Variants in TECRL observed in about 807,000 individuals in gnomAD.
TECRL encodes the protein trans-2,3-enoyl-CoA reductase-like.
In TECRL, 63 loss-of-function variants were observed where a neutral mutation model predicts 52.8. That is an observed-to-expected ratio of 1.19 (90% CI 0.97 to 1.47). TECRL has a LOEUF of 1.47. Ranked by LOEUF, TECRL falls within the 40% of genes most tolerant of loss-of-function variation. The pLI is 0.00. For synonymous variants in TECRL, 164 were observed against 141.9 expected (o/e 1.16, Z -1.10); for missense variants, 482 against 429.6 (o/e 1.12, Z -1.08).
At chr4:64,383,980 G>A (rs749828332) in intron 1 of TECRL, among the ~76,000 whole-genome samples, 5 of 152,014 alleles carry the variant, frequency 3.3e-5, no homozygotes, top group Non-Finnish European at 5.9e-5. Flanking sequence ...GTCTCTGTAT[G>A]ATTTATGCTG....
At chr4:64,314,862 C>G in intron 4 of TECRL, 99 bp from the exon 5 acceptor site, 2 of 828,792 alleles carry the variant, frequency 2.4e-6, no homozygotes, top group Non-Finnish European at 4.0e-6. Flanking sequence ...ATTGGTGAAA[C>G]AGGTAGATTT....
intron 1 of TECRL, among the ~76,000 whole-genome samples, chr4:64,385,424 G>T (rs921306845): frequency 1.3e-5 from 2 of 152,172 alleles, no homozygotes; most frequent in Admixed American, 6.5e-5. Context: ...TCTCAGGCTT[G>T]TGGGAGTGTG....
chr4:64,317,051 G>T (rs2110017272), intron 4 of TECRL, among the ~76,000 whole-genome samples: 1 of 152,248 alleles, frequency 6.6e-6, no homozygotes, highest in South Asian at 2.1e-4. Flanking sequence ...GGCCGAGGCG[G>T]GCGGATGACA....
At chr4:64,396,190 A>G (rs1723937921) in intron 1 of TECRL, among the ~76,000 whole-genome samples, 1 of 152,142 alleles carries the variant, frequency 6.6e-6, no homozygotes, top group African/African-American at 2.4e-5. Flanking sequence ...TGGAAATATG[A>G]ATGGAATTTC....
chr4:64,342,700 C>T (rs1719671981), intron 2 of TECRL, among the ~76,000 whole-genome samples: 2 of 151,772 alleles, frequency 1.3e-5, no homozygotes, highest in African/African-American at 4.8e-5. Context: ...TAAATGGAGG[C>T]CACAAAAGTA....
At chr4:64,378,858 TTATC>T (rs1466329776) in intron 1 of TECRL, among the ~76,000 whole-genome samples, 5 of 151,818 alleles carry the variant, frequency 3.3e-5, no homozygotes, top group South Asian at 2.1e-4. Context: ...TGAATTTTAT[TTATC>T]TAAGAAATTG....
chr4:64,348,374 A>G (rs1309984032), intron 2 of TECRL, among the ~76,000 whole-genome samples: 1 of 152,116 alleles, frequency 6.6e-6, no homozygotes, highest in Admixed American at 6.5e-5. Context: ...CCAGGATCCT[A>G]TCACCTCCCG....
intron 1 of TECRL, among the ~76,000 whole-genome samples, chr4:64,382,030 G>C (rs1220155497): frequency 6.6e-6 from 1 of 151,548 alleles, no homozygotes; most frequent in Admixed American, 6.6e-5. Context: ...TTATTTACAA[G>C]TTTGATGGAA....
intron 1 of TECRL, among the ~76,000 whole-genome samples, chr4:64,406,158 G>GCA (rs758280308): frequency 4.7e-4 from 20 of 42,858 alleles, no homozygotes; most frequent in African/African-American, 8.0e-4. Flanking sequence ...GCGCGCGCGC[G>GCA]CGCGCGCGTG....
chr4:64,355,109 G>T (rs1228565280), intron 2 of TECRL, among the ~76,000 whole-genome samples: 1 of 151,970 alleles, frequency 6.6e-6, no homozygotes, highest in African/African-American at 2.4e-5. Flanking sequence ...CTTAGACTGG[G>T]GAAATCTTTA....
At chr4:64,339,240 A>C (rs1410961710) in intron 2 of TECRL, among the ~76,000 whole-genome samples, 2 of 134,262 alleles carry the variant, frequency 1.5e-5, no homozygotes, top group Non-Finnish European at 3.1e-5. Flanking sequence ...CAATGAGAAC[A>C]CTTGGACACA....
At chr4:64,357,612 G>C (rs938621449) in intron 2 of TECRL, among the ~76,000 whole-genome samples, 2 of 149,676 alleles carry the variant, frequency 1.3e-5, no homozygotes, top group Non-Finnish European at 3.0e-5. Flanking sequence ...GAAAAGAAAA[G>C]TTAAAATAAA....
chr4:64,346,102 T>G (rs902131884), intron 2 of TECRL, among the ~76,000 whole-genome samples: 1 of 152,006 alleles, frequency 6.6e-6, no homozygotes, highest in Non-Finnish European at 1.5e-5. Context: ...AAATAATGAA[T>G]TCTAGTAAAT....
intron 1 of TECRL, among the ~76,000 whole-genome samples, chr4:64,381,541 T>C (rs1412333454): frequency 6.6e-6 from 1 of 152,066 alleles, no homozygotes; most frequent in Non-Finnish European, 1.5e-5. Flanking sequence ...ATGCCCTTTA[T>C]GTTGAGGTAT....
At chr4:64,353,879 G>A (rs1340659677) in intron 2 of TECRL, among the ~76,000 whole-genome samples, 2 of 152,012 alleles carry the variant, frequency 1.3e-5, no homozygotes, top group African/African-American at 2.4e-5. Flanking sequence ...ACCAAAAAAC[G>A]ATAAAAAGCC....
intron 2 of TECRL, 110 bp from the exon 3 acceptor site, chr4:64,328,666 G>A (rs977707757): frequency 3.5e-6 from 3 of 848,000 alleles, no homozygotes; most frequent in Non-Finnish European, 5.7e-6. Context: ...AATAAAATGG[G>A]TTATCTAGTG....
rs368802461 is a variant in TECRL, at chr4:64,342,421, T to A, written c.287-13865A>T. On this transcript the variant is annotated intron_variant, in intron 2 of 11. Transcript: ENST00000381210. ...TTTAGAAGAAGACTTGGTAGTAGTT[T>A]TATATATATATATGTGTGTGTGTGT... 4.9e-4 allele frequency among the ~76,000 whole-genome samples: 40 copies of A among 81,578 alleles called. No individual in the cohort carries two copies. The East Asian group carries it at 4.9e-3, about 10-fold the overall frequency. 53.5% of individuals were successfully genotyped at this position (81,578 alleles called of 152,430 possible).
At chr4:64,313,838 A>G (rs1480649843) in intron 5 of TECRL, among the ~76,000 whole-genome samples, 1 of 150,392 alleles carries the variant, frequency 6.6e-6, no homozygotes, top group African/African-American at 2.4e-5. Context: ...TTTGACTTAT[A>G]AAAAGTAACT....
chr4:64,283,872 A>G (rs1722951543), intron 9 of TECRL, among the ~76,000 whole-genome samples: 1 of 152,076 alleles, frequency 6.6e-6, no homozygotes, highest in African/African-American at 2.4e-5. Flanking sequence ...CTTAAAAGCA[A>G]CACAGAAGGC....
Sources: gnomAD v4.1 joint callset for allele counts (sites outside exome capture counted in the v4.1 genomes callset) on GRCh38, gnomAD v4.1.1 for gene constraint, MANE v1.5 for transcripts, NCBI Gene and HGNC (gene_info 2026-07-23, HGNC 2026-07-21) for gene names.